The following FBLN1 variants were observed in gnomAD, a reference collection of about 807,000 sequenced individuals.
FBLN1 encodes the protein fibulin 1, also known as fibulin-1.
FBLN1 carries 34 observed loss-of-function variants against 89.7 expected under a neutral mutation model. The observed-to-expected ratio is 0.38, with a 90% CI of 0.29 to 0.50. The LOEUF is 0.50. Ranked by LOEUF, FBLN1 falls within the 20% of genes least tolerant of loss-of-function variation. The pLI is 0.92. For synonymous variants in FBLN1, 393 were observed against 391.3 expected, an observed-to-expected ratio of 1.00 and a Z score of -0.05; for missense variants, 777 against 988.1, an observed-to-expected ratio of 0.79 and a Z score of 2.86.
chr22:45,552,296 G>A (rs1035190939), intron 14 of FBLN1, among the ~76,000 whole-genome samples: 1 of 152,210 alleles, frequency 6.6e-6, no homozygotes, highest in African/African-American at 2.4e-5. Flanking sequence ...AGGCAGAAGC[G>A]GCGGGAGTAT....
intron 1 of FBLN1, among the ~76,000 whole-genome samples, chr22:45,516,241 G>A (rs1280364840): frequency 6.6e-6 from 1 of 151,864 alleles, no homozygotes; most frequent in Non-Finnish European, 1.5e-5. Flanking sequence ...AAGGGGTGAA[G>A]GGAGTGTGGG....
Position 45,575,045 on chromosome 22 carries a change from G to T in FBLN1, c.1840+392G>T, listed in dbSNP as rs889757906. ...GATCCACCCGCCTCAGCCTCCCAAA[G>T]TGCTGGGATTACAGGCGTGAGCCAC... On this transcript the variant is annotated intron_variant, in intron 15 of 16. Coordinates refer to ENST00000327858, the MANE Select transcript of FBLN1 (RefSeq NM_006486.3). This position sits in a 1 kb window ranked among gnomAD's most constrained non-coding sequence, Gnocchi z 6.3. 2.6e-5 allele frequency among the ~76,000 whole-genome samples: 4 copies of T among 152,092 alleles called. No homozygotes were observed. The highest frequency in any genetic ancestry group is 4.4e-5 in the Non-Finnish European group (3 of 68,012).
chr22:45,543,535 G>A lies in FBLN1; in HGVS notation c.1321+9G>A, dbSNP rs1217690749. On this transcript the variant is annotated intron_variant, in intron 11 of 16. Coordinates refer to ENST00000327858, the MANE Select transcript of FBLN1 (RefSeq NM_006486.3). ...TGGCAGGTCATGTGAAGGTGAGGCT[G>A]GGGCCCCGTCCACTCACCTCCCCCA... 1 of 1,612,116 alleles carries A rather than the reference G, an allele frequency of 6.2e-7. No individual in the cohort carries two copies. Among genetic ancestry groups the A allele is most frequent in the South Asian group, 1.1e-5 (1 of 90,876 alleles).
At chr22:45,564,006 G>A (rs138492694) in intron 14 of FBLN1, among the ~76,000 whole-genome samples, 219 of 152,310 alleles carry the variant, frequency 1.4e-3, no homozygotes, top group African/African-American at 4.8e-3. Flanking sequence ...CAATACATGT[G>A]ATACTCACGG....
chr22:45,548,694 G>A lies in FBLN1; in HGVS notation c.1523G>A (p.Ser508Asn). The A allele has an allele frequency of 3.7e-6, 6 of 1,613,842 alleles. No homozygotes were observed. Among genetic ancestry groups the A allele is most frequent in the Non-Finnish European group, 4.2e-6 (5 of 1,180,032 alleles). ...AACATCCCTGGAAGCTTCCAGTGCAGCTGCCCCTCGTCTGGCTACAGGCTG... is the reference window on the plus strand; with the variant it reads ...AACATCCCTGGAAGCTTCCAGTGCAACTGCCCCTCGTCTGGCTACAGGCTG... Reference protein sequence around the residue: ...CINIPGSFQCSCPSSGYRLAP... With the variant: ...CINIPGSFQCNCPSSGYRLAP... The change falls in exon 13 of 17, where the codon AGC becomes AAC. Residue 508 changes from serine (S) to asparagine (N), a missense_variant. Physicochemically the swap from Ser to Asn is conservative, Grantham distance 46 (BLOSUM62 1). Transcript: ENST00000327858.
At chr22:45,570,355 G>GAAAAAAAAAAAAAAA (rs56383142) in intron 14 of FBLN1, among the ~76,000 whole-genome samples, 1 of 108,636 alleles carries the variant, frequency 9.2e-6, no homozygotes. Context: ...GAAAAGAAAA[G>GAAAAAAAAAAAAAAA]AAAAAAAAAA....
chr22:45,551,443 T>A (rs1276326342), intron 14 of FBLN1, among the ~76,000 whole-genome samples: 1 of 152,180 alleles, frequency 6.6e-6, no homozygotes, highest in Admixed American at 6.5e-5. Flanking sequence ...TGAGGGTCAG[T>A]GGTAGTGTCC....
chr22:45,569,199 T>TC (rs112066315), intron 14 of FBLN1, among the ~76,000 whole-genome samples: 10,911 of 151,562 alleles, frequency 0.072, 1,120 homozygotes, highest in African/African-American at 0.23. Context: ...CTGAATTGTG[T>TC]CCCCCCCCAA....
intron 14 of FBLN1, chr22:45,564,818 C>T: frequency 6.3e-7 from 1 of 1,597,922 alleles, no homozygotes; most frequent in Non-Finnish European, 8.6e-7. Flanking sequence ...ACAGATGACT[C>T]TGCCAGCCCT....
At position 45,563,710 on chromosome 22, in the gene FBLN1, A is replaced by G. The variant is rs938752207; in HGVS notation, c.1698-10801A>G. ...CCAGAGAGAAGGGGAAGGGTTGGCC[A>G]GGGTCGTCTGGCCTGCTGTGGCCAT... is the stretch of plus-strand genomic sequence containing the variant. On this transcript the variant is annotated intron_variant, in intron 14 of 16. Transcript: ENST00000327858. This position sits in a 1 kb window ranked among gnomAD's most constrained non-coding sequence, Gnocchi z 5.7. 6.6e-6 allele frequency among the ~76,000 whole-genome samples: 1 copy of G among 152,218 alleles called. No individual in the cohort carries two copies. The highest frequency in any genetic ancestry group is 2.4e-5 in the African/African-American group (1 of 41,450).
Position 45,572,078 on chromosome 22 carries a change from G to A in FBLN1, c.1698-2433G>A, listed in dbSNP as rs1047647029. ...CGGGAGGTGGAGGTTGCAGTGAGCC[G>A]ATATCGCACCACAGCACTCCAGCCT... On this transcript the variant is annotated intron_variant, in intron 14 of 16. Coordinates refer to ENST00000327858, the MANE Select transcript of FBLN1 (RefSeq NM_006486.3). This position sits in a 1 kb window ranked among gnomAD's most constrained non-coding sequence, Gnocchi z 5.8. 5.9e-5 allele frequency among the ~76,000 whole-genome samples: 9 copies of A among 152,048 alleles called. No homozygotes were observed. The highest frequency in any genetic ancestry group is 1.7e-4 in the African/African-American group (7 of 41,384).
In FBLN1 at chr22:45,550,446, T is replaced by C. The variant is rs1176982452; in HGVS notation, c.1574-46T>C. ...TCCTCCGTCTCCAGATGGGTATGGC[T>C]CCTGCAGCCTCTGCCTTCACTGTGC... On this transcript the variant is annotated intron_variant, in intron 13 of 16. Coordinates refer to ENST00000327858, the MANE Select transcript of FBLN1 (RefSeq NM_006486.3). The surrounding 1 kb of genome is among the most constrained non-coding windows in gnomAD (Gnocchi z 8.4). The C allele has an allele frequency of 6.2e-7, 1 of 1,612,894 alleles. No individual in the cohort carries two copies. Among genetic ancestry groups the C allele is most frequent in the African/African-American group, 1.3e-5 (1 of 74,924 alleles).
At position 45,532,183 on chromosome 22, in the gene FBLN1, C is replaced by T. The variant is rs190380189; in HGVS notation, c.544+859C>T. The stretch of plus-strand genomic sequence containing the variant: ...TGTACAGTGACAGTTGGTCCAGGGG[C>T]GCTGTCCAGGGGCCTGGTGGAGGGA... On this transcript the variant is annotated intron_variant, in intron 5 of 16. Coordinates refer to ENST00000327858, the MANE Select transcript of FBLN1 (RefSeq NM_006486.3). The surrounding 1 kb of genome is among the most constrained non-coding windows in gnomAD (Gnocchi z 4.2). 3.9e-4 allele frequency among the ~76,000 whole-genome samples: 60 copies of T among 152,104 alleles called. No homozygotes were observed. In the East Asian group the frequency reaches 4.1e-3, roughly 10 times the overall value.
At chr22:45,512,698 C>G (rs2088117526) in intron 1 of FBLN1, among the ~76,000 whole-genome samples, 1 of 152,192 alleles carries the variant, frequency 6.6e-6, no homozygotes, top group African/African-American at 2.4e-5. Context: ...TTCCCCACTC[C>G]CATCGCCCCA....
intron 1 of FBLN1, among the ~76,000 whole-genome samples, chr22:45,515,348 C>G (rs2088155860): frequency 6.6e-6 from 1 of 152,216 alleles, no homozygotes; most frequent in Non-Finnish European, 1.5e-5. Flanking sequence ...TCGGGCACAG[C>G]CCCCAGACAG....
chr22:45,513,316 T>C (rs2146943473), intron 1 of FBLN1, among the ~76,000 whole-genome samples: 1 of 151,920 alleles, frequency 6.6e-6, no homozygotes, highest in Admixed American at 6.6e-5. Flanking sequence ...CCTTTTTTTT[T>C]TTTTTTGAGA....
At chr22:45,592,840 ACTTCC>A (rs1351676465) in intron 16 of FBLN1, among the ~76,000 whole-genome samples, 1 of 151,994 alleles carries the variant, frequency 6.6e-6, no homozygotes, top group Admixed American at 6.6e-5. Flanking sequence ...ACAGCCCTAC[ACTTCC>A]CTTCCTTTCT....
At chr22:45,586,448 T>C (rs569378328) in intron 16 of FBLN1, among the ~76,000 whole-genome samples, 124 of 151,834 alleles carry the variant, frequency 8.2e-4, no homozygotes, top group African/African-American at 2.9e-3. Flanking sequence ...GCCAGAGAGG[T>C]TGGGAGATTA....
chr22:45,527,898 A>G lies in FBLN1; in HGVS notation c.373A>G (p.Ser125Gly). Residue 125 changes from serine to glycine, a missense_variant, in exon 4 of 17, where the codon AGC becomes GGC. Physicochemically the swap from Ser to Gly is moderately conservative, Grantham distance 56. Coordinates refer to ENST00000327858, the MANE Select transcript of FBLN1 (RefSeq NM_006486.3). ...GAGGGCGGCCCAGGCCCAGGGCCAG[A>G]GCTGCGAGTACAGCCTCATGGTTGG... ...LGRAAQAQGQ[S>G]CEYSLMVGYQ... The G allele has an allele frequency of 6.2e-7, 1 of 1,614,134 alleles. No individual in the cohort carries two copies. Among genetic ancestry groups the G allele is most frequent in the Non-Finnish European group, 8.5e-7 (1 of 1,180,030 alleles).
Sources: allele counts gnomAD v4.1 joint callset (sites outside exome capture counted in the v4.1 genomes callset), GRCh38; gene constraint gnomAD v4.1.1; non-coding constraint Gnocchi (gnomAD v3.1); transcripts MANE v1.5; gene names NCBI Gene and HGNC (gene_info 2026-07-23, HGNC 2026-07-21).